CAST: variants seen among roughly 807,000 people sequenced by gnomAD.
The protein encoded by CAST is MIR583 host.
A neutral mutation model predicts 119.6 loss-of-function variants in CAST; 76 were observed. The observed-to-expected ratio is 0.64, with a 90% CI of 0.53 to 0.77. The LOEUF is 0.77. Ranked by LOEUF, CAST falls within the 30% of genes least tolerant of loss-of-function variation. The pLI, the probability that CAST is intolerant of heterozygous loss-of-function variation, is 0.00. For synonymous variants in CAST, 319 were observed against 331.6 expected, an observed-to-expected ratio of 0.96 and a Z score of 0.41; for missense variants, 953 against 946.5, an observed-to-expected ratio of 1.01 and a Z score of -0.09.
the CAST span, among the ~76,000 whole-genome samples, chr5:96,163,107 C>A: frequency 6.6e-6 from 1 of 151,994 alleles, no homozygotes; most frequent in East Asian, 1.9e-4. Flanking sequence ...CTTCTTGAGC[C>A]AGTTTTGTTA....
rs1000378370 is a variant in CAST at position 96,639,209 on chromosome 5, C to T, written c.61-36330C>T. On this transcript the variant is annotated intron_variant, in intron 1 of 11. Transcript: ENST00000505143. ...GCACCTTGAAGCCTGAACTACAGGG[C>T]CCCCCATACTGTGACCAATGTACAG... Among the ~76,000 whole-genome samples the T allele has an allele frequency of 1.6e-4, 24 of 152,136 alleles. 1 individual carries two copies. The highest frequency in any genetic ancestry group is 1.4e-3 in the Admixed American group (21 of 15,278).
intron 3 of CAST, among the ~76,000 whole-genome samples, chr5:96,710,564 G>A (rs536596662): frequency 9.2e-5 from 14 of 152,016 alleles, no homozygotes; most frequent in African/African-American, 2.2e-4. Flanking sequence ...ATTTCTACCC[G>A]TTATGTCAAG....
In CAST at chr5:96,758,897, T is replaced by C. The variant is rs111352112; in HGVS notation, c.1833+1243T>C. Among the ~76,000 whole-genome samples the C allele has an allele frequency of 1.0e-3, 157 of 152,236 alleles. 1 individual carries two copies. The Middle Eastern group carries it at 0.024, about 23-fold the overall frequency. On this transcript the variant is annotated intron_variant, in intron 24 of 31. Coordinates refer to ENST00000675179, the MANE Select transcript of CAST (RefSeq NM_001750.7). The stretch of plus-strand genomic sequence containing the variant: ...ACGCCAGGAATGTGGAGTCATAGCA[T>C]TACACTGAGGCAGAACAGATGAACA...
rs538134293 is a variant in CAST, at chr5:96,695,314, A to AT, written c.139-521dup. On this transcript the variant is annotated intron_variant, in intron 2 of 31. Transcript: ENST00000675179. Reference sequence around the variant, plus strand: ...TACTATCTATAATTCTATTATTCTAATAATTACCTGGCACACCATAGTACT... The same window carrying AT: ...TACTATCTATAATTCTATTATTCTAATTAATTACCTGGCACACCATAGTACT... 2.4e-3 allele frequency among the ~76,000 whole-genome samples: 372 copies of AT among 152,324 alleles called. 2 individuals are homozygous for AT. Among genetic ancestry groups the AT allele is most frequent in the Non-Finnish European group, 4.9e-3 (331 of 68,030 alleles).
chr5:96,539,566 G>C (rs555305047), intron 1 of CAST, among the ~76,000 whole-genome samples: 1 of 151,982 alleles, frequency 6.6e-6, no homozygotes, highest in Middle Eastern at 3.4e-3. Context: ...TATAGGTTTT[G>C]ACAAACATGT....
chr5:96,345,753 G>A, the CAST span, among the ~76,000 whole-genome samples: 102 of 152,246 alleles, frequency 6.7e-4, no homozygotes, highest in South Asian at 2.3e-3. Context: ...TTGGACTAGG[G>A]ACTTCAGTTC....
chr5:96,606,159 A>G (rs1254950744), intron 1 of CAST, among the ~76,000 whole-genome samples: 1 of 152,056 alleles, frequency 6.6e-6, no homozygotes, highest in African/African-American at 2.4e-5. Context: ...TCACCTGAAC[A>G]ACAACAACAA....
the CAST span, chr5:95,961,704 T>C: frequency 1.2e-6 from 2 of 1,605,254 alleles, no homozygotes; most frequent in Admixed American, 1.7e-5. Flanking sequence ...GCAGGCCCCC[T>C]GTCCCCCCCG....
chr5:96,066,259 C>T, the CAST span, among the ~76,000 whole-genome samples: 1 of 152,138 alleles, frequency 6.6e-6, no homozygotes. Flanking sequence ...CTTTGATAGA[C>T]AGCCTGTATC....
intron 1 of CAST, among the ~76,000 whole-genome samples, chr5:96,624,249 C>T (rs1012826649): frequency 2.6e-5 from 4 of 152,196 alleles, no homozygotes; most frequent in African/African-American, 9.7e-5. Flanking sequence ...TGTCTACGCA[C>T]ACCTCACTAT....
the CAST span, among the ~76,000 whole-genome samples, chr5:96,479,811 T>TGG: frequency 6.6e-6 from 1 of 151,784 alleles, no homozygotes; most frequent in African/African-American, 2.4e-5. Context: ...TGGAGTGAGG[T>TGG]GGGAATTGTA....
At chr5:96,455,748 A>G in the CAST span, among the ~76,000 whole-genome samples, 1 of 152,184 alleles carries the variant, frequency 6.6e-6, no homozygotes, top group Non-Finnish European at 1.5e-5. Flanking sequence ...GCCTCCGTTG[A>G]GCAACTTAAT....
the CAST span, among the ~76,000 whole-genome samples, chr5:96,283,762 A>G: frequency 6.6e-6 from 1 of 152,202 alleles, no homozygotes; most frequent in Non-Finnish European, 1.5e-5. Context: ...GGAAGTATTA[A>G]TAAATCTTGC....
At chr5:96,655,439 T>G (rs1331644655) in intron 1 of CAST, among the ~76,000 whole-genome samples, 1 of 152,226 alleles carries the variant, frequency 6.6e-6, no homozygotes, top group African/African-American at 2.4e-5. Flanking sequence ...TTATCTTCTC[T>G]GAAAACTGGA....
At chr5:96,029,709 T>C in the CAST span, among the ~76,000 whole-genome samples, 16 of 152,280 alleles carry the variant, frequency 1.1e-4, no homozygotes, top group African/African-American at 3.8e-4. Context: ...CTACATATTG[T>C]CTTAAGAGAT....
At chr5:96,743,833 T>C (rs563639061) in intron 16 of CAST, 4 of 923,176 alleles carry the variant, frequency 4.3e-6, no homozygotes, top group Non-Finnish European at 6.4e-6. Context: ...CAGTGTCATC[T>C]TGAGGAAAGC....
chr5:96,347,653 A>G, the CAST span, among the ~76,000 whole-genome samples: 1 of 152,038 alleles, frequency 6.6e-6, no homozygotes, highest in African/African-American at 2.4e-5. Flanking sequence ...CTACTCTGGT[A>G]CCTCCACCTC....
chr5:96,320,495 C>G, the CAST span, among the ~76,000 whole-genome samples: 1 of 152,092 alleles, frequency 6.6e-6, no homozygotes, highest in Non-Finnish European at 1.5e-5. Context: ...GCCTCAGCCT[C>G]CCAAAGTGTT....
the CAST span, chr5:96,411,021 T>C: frequency 6.9e-7 from 1 of 1,443,392 alleles, no homozygotes. Flanking sequence ...TTATCTGTTA[T>C]CATCTATTGG....
Sources: gnomAD v4.1 joint callset for allele counts (sites outside exome capture counted in the v4.1 genomes callset) on GRCh38, gnomAD v4.1.1 for gene constraint, MANE v1.5 for transcripts, NCBI Gene and HGNC (gene_info 2026-07-23, HGNC 2026-07-21) for gene names.